Variants in CEACAM18 observed in about 807,000 individuals in gnomAD.
The protein encoded by CEACAM18 is CEA cell adhesion molecule 18, also known as cell adhesion molecule CEACAM18.
A neutral mutation model predicts 34.3 loss-of-function variants in CEACAM18; 33 were observed. The observed-to-expected ratio is 0.96, with a 90% CI of 0.73 to 1.29. The LOEUF (loss-of-function observed/expected upper bound fraction) is 1.29. Ranked by LOEUF, CEACAM18 falls within the 50% of genes most tolerant of loss-of-function variation. CEACAM18 has a pLI of 0.00. For missense variants in CEACAM18, 474 were observed against 485.0 expected (o/e 0.98, Z 0.21); for synonymous variants, 169 against 180.9 (o/e 0.93, Z 0.53).
At position 51,489,663 on chromosome 19, in the gene CEACAM18, C is replaced by G. The variant is rs1219919991; in HGVS notation, c.1090-924C>G. 2.6e-5 allele frequency among the ~76,000 whole-genome samples: 4 copies of G among 152,244 alleles called. No individual in the cohort carries two copies. In the East Asian group the frequency reaches 7.7e-4, roughly 29 times the overall value. Reference sequence around the variant, plus strand: ...CAATGTCGACCATACAGTGAGATAGCAGGCAATCGGCCTGACTGTGCTTTA... The same window carrying G: ...CAATGTCGACCATACAGTGAGATAGGAGGCAATCGGCCTGACTGTGCTTTA... On this transcript the variant is annotated intron_variant, in intron 5 of 5. Transcript: ENST00000396477.
chr19:51,485,258 G>C (rs1989980088), intron 5 of CEACAM18, 136 bp downstream of exon 5: 2 of 883,852 alleles, frequency 2.3e-6, no homozygotes, highest in African/African-American at 1.7e-5. Context: ...GGATCATCTG[G>C]GGCAGACAGA....
rs1381447035 is a variant in CEACAM18 at position 51,481,718 on chromosome 19, T to TATATATCTC, written c.673+54_673+55insTATATCTCA. The TATATATCTC allele has an allele frequency of 5.8e-6, 9 of 1,556,856 alleles. No homozygotes were observed. The Admixed American group carries it at 1.3e-4, about 22-fold the overall frequency. On this transcript the variant is annotated intron_variant, in intron 3 of 5. Coordinates refer to ENST00000396477, the Ensembl canonical transcript of CEACAM18. Reference sequence around the variant, plus strand: ...AGCCAGGGCTGGTCTCAGGGCTTTCTAGGGATAGGAATATGTTAGGACAGG... The same window carrying TATATATCTC: ...AGCCAGGGCTGGTCTCAGGGCTTTCTATATATCTCAGGGATAGGAATATGTTAGGACAGG...
intron 5 of CEACAM18, 148 bp downstream of exon 5, chr19:51,485,270 C>A (rs577972572): frequency 8.8e-6 from 7 of 793,042 alleles, no homozygotes; most frequent in Non-Finnish European, 1.3e-5. Context: ...GCAGACAGAT[C>A]AGCCCCCAGG....
intron 2 of CEACAM18, 49 bp from the exon 3 acceptor site, chr19:51,481,344 G>C: frequency 9.3e-7 from 1 of 1,078,496 alleles, no homozygotes. Context: ...GCAGAGCTTG[G>C]GGAAGCAGAC....
chr19:51,479,785 T>G (rs1258344372), intron 1 of CEACAM18, among the ~76,000 whole-genome samples: 1 of 152,110 alleles, frequency 6.6e-6, no homozygotes, highest in Non-Finnish European at 1.5e-5. Context: ...GAAGGTGTGG[T>G]GCACCAAGAG....
intron 1 of CEACAM18, 26 bp from the exon 2 acceptor site, chr19:51,480,307 C>T: frequency 6.5e-7 from 1 of 1,530,372 alleles, no homozygotes; most frequent in South Asian, 1.2e-5. Context: ...GAATTTCTCT[C>T]TGTCTTTTTT....
chr19:51,481,772 C>G (rs1202698005), intron 3 of CEACAM18, 107 bp downstream of exon 3: 1 of 1,193,664 alleles, frequency 8.4e-7, no homozygotes, highest in Non-Finnish European at 1.1e-6. Flanking sequence ...GCATCCTGGG[C>G]CAGCCTGCAG....
chr19:51,489,838 G>A (rs1364587510), intron 5 of CEACAM18, among the ~76,000 whole-genome samples: 3 of 152,100 alleles, frequency 2.0e-5, no homozygotes, highest in East Asian at 3.9e-4. Context: ...TATTATTAAT[G>A]CCATCATATT....
chr19:51,482,937 C>A (rs1046165144), intron 3 of CEACAM18, 80 bp from the exon 4 acceptor site: 1 of 1,553,604 alleles, frequency 6.4e-7, no homozygotes, highest in Non-Finnish European at 8.8e-7. Flanking sequence ...TGGGGAACCT[C>A]CTGGCTGGGG....
chr19:51,484,533 G>A (rs1337877496), intron 4 of CEACAM18, among the ~76,000 whole-genome samples: 1 of 152,140 alleles, frequency 6.6e-6, no homozygotes, highest in Non-Finnish European at 1.5e-5. Context: ...TGTTGCCCAG[G>A]CTGGTCTTGA....
At chr19:51,485,166 G>A in intron 5 of CEACAM18, 44 bp downstream of exon 5, 1 of 1,458,436 alleles carries the variant, frequency 6.9e-7, no homozygotes, top group Non-Finnish European at 9.0e-7. Flanking sequence ...TTGGCTGGGG[G>A]CTGGGACTCA....
At chr19:51,487,150 C>A (rs753535431) in intron 5 of CEACAM18, among the ~76,000 whole-genome samples, 3 of 152,078 alleles carry the variant, frequency 2.0e-5, no homozygotes, top group Admixed American at 2.0e-4. Context: ...GATTTAGTAC[C>A]TGTTTCATTT....
At chr19:51,481,246 C>T in intron 2 of CEACAM18, 147 bp from the exon 3 acceptor site, 1 of 833,454 alleles carries the variant, frequency 1.2e-6, no homozygotes, top group Non-Finnish European at 1.8e-6. Flanking sequence ...TATTCCTCTG[C>T]CCTTCTCAGC....
chr19:51,480,535 G>C, exon 2 of CEACAM18: 1 of 1,614,002 alleles, frequency 6.2e-7, no homozygotes, highest in Non-Finnish European at 8.5e-7. Flanking sequence ...AGCAGCCTGG[G>C]CCCATGTACA....
intron 5 of CEACAM18, among the ~76,000 whole-genome samples, chr19:51,486,197 A>G (rs80270863): frequency 0.076 from 11,504 of 152,090 alleles, 513 homozygotes; most frequent in African/African-American, 0.12. Flanking sequence ...TGATGGTGAC[A>G]TTGGTAGTGA....
chr19:51,482,996 C>A, intron 3 of CEACAM18, 21 bp from the exon 4 acceptor site: 1 of 1,608,816 alleles, frequency 6.2e-7, no homozygotes, highest in South Asian at 1.1e-5. Flanking sequence ...ATAGCCTGGG[C>A]CTCCTACCCT....
At chr19:51,481,871 G>C (rs1050924286) in intron 3 of CEACAM18, among the ~76,000 whole-genome samples, 1 of 152,176 alleles carries the variant, frequency 6.6e-6, no homozygotes, top group African/African-American at 2.4e-5. Context: ...TGGTACACTC[G>C]AGTTTGAAAT....
chr19:51,481,258 C>T (rs1192893815), intron 2 of CEACAM18, 135 bp from the exon 3 acceptor site: 7 of 952,080 alleles, frequency 7.4e-6, no homozygotes, highest in Non-Finnish European at 9.3e-6. Flanking sequence ...CTTCTCAGCT[C>T]CCTTGCCAGG....
intron 5 of CEACAM18, among the ~76,000 whole-genome samples, chr19:51,489,675 C>T (rs1372437727): frequency 1.3e-5 from 2 of 152,150 alleles, no homozygotes; most frequent in African/African-American, 4.8e-5. Context: ...GGCAATCGGC[C>T]TGACTGTGCT....
Sources: allele counts gnomAD v4.1 joint callset (sites outside exome capture counted in the v4.1 genomes callset), GRCh38; gene constraint gnomAD v4.1.1; transcripts MANE v1.5; gene names NCBI Gene and HGNC (gene_info 2026-07-23, HGNC 2026-07-21).